Variants in COL4A3 observed in about 807,000 individuals in gnomAD.
COL4A3 encodes the protein collagen alpha-3(IV) chain.
In COL4A3, 135 loss-of-function variants were observed where a neutral mutation model predicts 217.4. The ratio of observed to expected loss-of-function variants is 0.62; its 90% CI spans 0.54 to 0.72. COL4A3 has a LOEUF of 0.72. Among genes scored for constraint, COL4A3 ranks in the 30% least tolerant of loss-of-function variants. The pLI is 0.00. For missense variants in COL4A3, 1,868 were observed against 2,119.9 expected, an observed-to-expected ratio of 0.88 and a Z score of 2.33; for synonymous variants, 690 against 736.3, an observed-to-expected ratio of 0.94 and a Z score of 1.02.
At chr2:227,178,628 G>A (rs1349496643) in intron 1 of COL4A3, among the ~76,000 whole-genome samples, 1 of 151,986 alleles carries the variant, frequency 6.6e-6, no homozygotes, top group African/African-American at 2.4e-5. Context: ...TGCCTCCCAG[G>A]TTCAAGCAAT....
chr2:227,261,266 T>C (rs908961882), intron 20 of COL4A3, 149 bp downstream of exon 20: 17 of 709,768 alleles, frequency 2.4e-5, no homozygotes, highest in Admixed American at 1.7e-4. Flanking sequence ...GGCTCACGCC[T>C]GTAATCCCAG....
chr2:227,265,853 G>A (rs1203221751), intron 21 of COL4A3: 2 of 157,292 alleles, frequency 1.3e-5, no homozygotes, highest in South Asian at 1.9e-4. Flanking sequence ...CAGCACGGCT[G>A]GGGAGTCCTC....
intron 1 of COL4A3, among the ~76,000 whole-genome samples, chr2:227,173,784 TTAA>T (rs2065577507): frequency 6.6e-6 from 1 of 152,242 alleles, no homozygotes; most frequent in Admixed American, 6.5e-5. Flanking sequence ...ATTGAAAACA[TTAA>T]TGAGATATTT....
intron 31 of COL4A3, among the ~76,000 whole-genome samples, chr2:227,281,952 A>G (rs1356757658): frequency 6.6e-6 from 1 of 152,198 alleles, no homozygotes; most frequent in Non-Finnish European, 1.5e-5. Flanking sequence ...CCCAAATCAC[A>G]AAGCTAAATA....
At chr2:227,182,422 A>G (rs913321646) in intron 1 of COL4A3, among the ~76,000 whole-genome samples, 1 of 152,164 alleles carries the variant, frequency 6.6e-6, no homozygotes, top group African/African-American at 2.4e-5. Context: ...ATCAAAGAGC[A>G]ATGTCCTGTT....
chr2:227,237,655 T>C (rs2068775680), intron 1 of COL4A3: 1 of 270,458 alleles, frequency 3.7e-6, no homozygotes, highest in Admixed American at 4.8e-5. Flanking sequence ...TATAAATTAT[T>C]AGGTTGGTAC....
chr2:227,279,623 A>G (rs77149436), intron 28 of COL4A3, 170 bp from the exon 29 acceptor site: 361 of 569,764 alleles, frequency 6.3e-4, no homozygotes, highest in African/African-American at 4.3e-3. Context: ...ATAGGAACCA[A>G]TGTAATTTGA....
chr2:227,272,039 T>C (rs71431030), intron 25 of COL4A3, among the ~76,000 whole-genome samples: 11,191 of 152,310 alleles, frequency 0.073, 447 homozygotes, highest in East Asian at 0.12. Context: ...CTATCTGGTC[T>C]TTCCTAAATG....
Position 227,284,348 on chromosome 2 carries a change from A to G in COL4A3, c.2881+3A>G. ...CAAAGGAGAACCAGGTCTCAAAGGTAAAGAATTGCTTGTTTGGAATCAGGA... is the reference window on the plus strand; with the variant it reads ...CAAAGGAGAACCAGGTCTCAAAGGTGAAGAATTGCTTGTTTGGAATCAGGA... On this transcript the variant is annotated splice_donor_region_variant and intron_variant, in intron 34 of 51. Coordinates refer to ENST00000396578, the MANE Select transcript of COL4A3 (RefSeq NM_000091.5). The G allele has an allele frequency of 6.2e-7, 1 of 1,613,004 alleles. No homozygotes were observed. The highest frequency in any genetic ancestry group is 8.5e-7 in the Non-Finnish European group (1 of 1,179,526).
intron 1 of COL4A3, among the ~76,000 whole-genome samples, chr2:227,202,580 A>T (rs2066732952): frequency 1.3e-5 from 2 of 150,468 alleles, no homozygotes; most frequent in South Asian, 4.2e-4. Context: ...CCGTCTCTAC[A>T]AAAAATTAGC....
In COL4A3 at chr2:227,291,259, C is replaced by A. The variant is rs143354847; in HGVS notation, c.3210+373C>A. ...AGACTTATAAAAATAAATTTCCAAA[C>A]CTTCTAATAAAAAACACTTGTCGGC... On this transcript the variant is annotated intron_variant, in intron 37 of 51. Coordinates refer to ENST00000396578, the MANE Select transcript of COL4A3 (RefSeq NM_000091.5). Among the ~76,000 whole-genome samples, 84 of 152,234 alleles carry A rather than the reference C, an allele frequency of 5.5e-4. 1 individual carries two copies. The highest frequency in any genetic ancestry group is 9.2e-4 in the Admixed American group (14 of 15,288).
intron 44 of COL4A3, 63 bp downstream of exon 44, chr2:227,303,173 C>A: frequency 7.1e-7 from 1 of 1,411,880 alleles, no homozygotes; most frequent in Non-Finnish European, 1.0e-6. Context: ...TATTTTAGGG[C>A]ACACAAGTGT....
rs374666116 is a variant in COL4A3, at chr2:227,284,583, C to T, written c.2881+238C>T. Among the ~76,000 whole-genome samples, 11 of 152,208 alleles carry T rather than the reference C, an allele frequency of 7.2e-5. No individual in the cohort carries two copies. The East Asian group carries it at 1.4e-3, about 19-fold the overall frequency. ...TAAGTTAATTCTGCATTTTAATTTGCTATATTTAAATCATCAGCAGTCAGT... is the reference window on the plus strand; with the variant it reads ...TAAGTTAATTCTGCATTTTAATTTGTTATATTTAAATCATCAGCAGTCAGT... On this transcript the variant is annotated intron_variant, in intron 34 of 51. Transcript: ENST00000396578.
intron 37 of COL4A3, 24 bp downstream of exon 37, chr2:227,290,910 A>C: frequency 1.9e-6 from 3 of 1,602,510 alleles, no homozygotes; most frequent in Non-Finnish European, 2.6e-6. Flanking sequence ...TGAAATATTT[A>C]CATTTTAGTG....
intron 6 of COL4A3, 51 bp from the exon 7 acceptor site, chr2:227,246,634 A>G (rs2069356466): frequency 1.4e-6 from 2 of 1,427,936 alleles, no homozygotes; most frequent in Admixed American, 1.7e-5. Context: ...ATATCTGAAT[A>G]GGCTCTTCTA....
chr2:227,180,557 C>G (rs1380991328), intron 1 of COL4A3, among the ~76,000 whole-genome samples: 1 of 152,114 alleles, frequency 6.6e-6, no homozygotes, highest in Non-Finnish European at 1.5e-5. Flanking sequence ...AGAGGCAGTG[C>G]CCGGCAGCAG....
At chr2:227,256,225 G>C (rs2070161380) in intron 16 of COL4A3, 118 bp from the exon 17 acceptor site, 1 of 1,142,096 alleles carries the variant, frequency 8.8e-7, no homozygotes, top group African/African-American at 1.5e-5. Context: ...TCCCCACTGT[G>C]AAGAGAGATC....
intron 1 of COL4A3, among the ~76,000 whole-genome samples, chr2:227,177,865 G>C (rs1040863055): frequency 4.6e-5 from 7 of 152,112 alleles, no homozygotes; most frequent in Admixed American, 2.6e-4. Context: ...CGCAATGCTT[G>C]TGTTCAAATA....
In COL4A3 at chr2:227,205,973, A is replaced by T. The variant is rs192332844; in HGVS notation, c.88-31995A>T. Among the ~76,000 whole-genome samples the T allele has an allele frequency of 2.0e-3, 303 of 152,320 alleles. 1 individual carries two copies. The highest frequency in any genetic ancestry group is 3.4e-3 in the Non-Finnish European group (231 of 68,026). On this transcript the variant is annotated intron_variant, in intron 1 of 51. Transcript: ENST00000396578. The stretch of plus-strand genomic sequence containing the variant: ...AATGGTTCTCACCCTGGACTCTACA[A>T]GGAAAATCATCTGGGAAACTTGCAA...
Sources: allele counts gnomAD v4.1 joint callset (sites outside exome capture counted in the v4.1 genomes callset), GRCh38; gene constraint gnomAD v4.1.1; transcripts MANE v1.5; gene names NCBI Gene and HGNC (gene_info 2026-07-23, HGNC 2026-07-21).